Variants in SPOCK3 observed in about 807,000 individuals in gnomAD.
SPOCK3 encodes testican-3.
Under a neutral mutation model 56.6 loss-of-function variants are expected in SPOCK3, and 30 were observed. The observed-to-expected ratio is 0.53, with a 90% CI of 0.40 to 0.72. SPOCK3 has a LOEUF of 0.72. Ranked by LOEUF, SPOCK3 falls within the 30% of genes least tolerant of loss-of-function variation. SPOCK3 has a pLI of 0.00. For missense variants in SPOCK3, 527 were observed against 530.0 expected, an observed-to-expected ratio of 0.99 and a Z score of 0.06; for synonymous variants, 196 against 183.3, an observed-to-expected ratio of 1.07 and a Z score of -0.56.
intron 6 of SPOCK3, among the ~76,000 whole-genome samples, chr4:166,796,902 A>G (rs1741999013): frequency 1.3e-5 from 2 of 152,210 alleles, no homozygotes; most frequent in Non-Finnish European, 1.5e-5. Flanking sequence ...GTTGGCTCCA[A>G]TGTGATTATT....
intron 4 of SPOCK3, among the ~76,000 whole-genome samples, chr4:166,935,118 C>G (rs79589859): frequency 6.6e-6 from 1 of 151,908 alleles, no homozygotes; most frequent in African/African-American, 2.4e-5. Context: ...CTCAGACTTA[C>G]GGGGCTGTGG....
chr4:167,198,125 C>A (rs781552412), intron 2 of SPOCK3, among the ~76,000 whole-genome samples: 31 of 152,084 alleles, frequency 2.0e-4, no homozygotes, highest in Admixed American at 6.6e-5. Flanking sequence ...TTTAGCCAAC[C>A]ATAGTAATAT....
intron 6 of SPOCK3, among the ~76,000 whole-genome samples, chr4:166,828,712 T>G (rs1390369265): frequency 6.6e-6 from 1 of 152,076 alleles, no homozygotes; most frequent in African/African-American, 2.4e-5. Context: ...AATTCTTTGT[T>G]CATTTTAACA....
chr4:167,048,140 A>G (rs758590766), intron 3 of SPOCK3, among the ~76,000 whole-genome samples: 4 of 152,102 alleles, frequency 2.6e-5, no homozygotes, highest in Non-Finnish European at 5.9e-5. Flanking sequence ...ACATTATCTT[A>G]ATTAAAGCAT....
At chr4:167,166,560 T>A (rs1238093397) in intron 2 of SPOCK3, among the ~76,000 whole-genome samples, 1 of 152,092 alleles carries the variant, frequency 6.6e-6, no homozygotes, top group African/African-American at 2.4e-5. Flanking sequence ...TGTATTTTTA[T>A]AACTCTGGTT....
At chr4:166,817,051 C>T (rs1005891945) in intron 6 of SPOCK3, among the ~76,000 whole-genome samples, 3 of 152,040 alleles carry the variant, frequency 2.0e-5, no homozygotes, top group African/African-American at 7.2e-5. Context: ...AAGGCCCAGA[C>T]TCAAGGCAAG....
intron 6 of SPOCK3, among the ~76,000 whole-genome samples, chr4:166,881,995 T>A (rs1201921357): frequency 4.6e-5 from 7 of 152,172 alleles, no homozygotes; most frequent in Non-Finnish European, 8.8e-5. Context: ...TCATATTTTT[T>A]AAGATACGTA....
At chr4:167,126,457 G>A (rs1007527196) in intron 2 of SPOCK3, among the ~76,000 whole-genome samples, 14 of 152,158 alleles carry the variant, frequency 9.2e-5, no homozygotes, top group South Asian at 2.1e-4. Context: ...GCTGAGGCAG[G>A]ATAATTGCTT....
chr4:166,831,189 T>C (rs777513511), intron 6 of SPOCK3, among the ~76,000 whole-genome samples: 1 of 152,216 alleles, frequency 6.6e-6, no homozygotes, highest in Admixed American at 6.5e-5. Context: ...ACATGGTATA[T>C]ATATCTGAAT....
chr4:166,920,225 C>T (rs1476401717), intron 4 of SPOCK3, among the ~76,000 whole-genome samples: 4 of 152,074 alleles, frequency 2.6e-5, no homozygotes, highest in African/African-American at 4.8e-5. Flanking sequence ...TTTCTAGACC[C>T]GTTGATGTAA....
intron 4 of SPOCK3, among the ~76,000 whole-genome samples, chr4:166,915,218 C>A (rs1579633761): frequency 6.6e-6 from 1 of 151,712 alleles, no homozygotes; most frequent in Non-Finnish European, 1.5e-5. Flanking sequence ...AAAATGTATC[C>A]TAGATGATGA....
chr4:166,775,445 T>C (rs749715466), intron 7 of SPOCK3, among the ~76,000 whole-genome samples: 1 of 152,168 alleles, frequency 6.6e-6, no homozygotes, highest in Non-Finnish European at 1.5e-5. Flanking sequence ...GTGTGGGGTA[T>C]CTGGCTTTGG....
intron 4 of SPOCK3, among the ~76,000 whole-genome samples, chr4:166,943,840 A>C (rs1741395030): frequency 6.6e-6 from 1 of 152,162 alleles, no homozygotes; most frequent in Non-Finnish European, 1.5e-5. Context: ...AAATATATGA[A>C]ATTTTATGTT....
At chr4:166,840,203 G>A (rs1747090333) in intron 6 of SPOCK3, among the ~76,000 whole-genome samples, 1 of 152,100 alleles carries the variant, frequency 6.6e-6, no homozygotes, top group Non-Finnish European at 1.5e-5. Context: ...TGAGTGTAGG[G>A]AGACTCATTT....
chr4:167,164,587 A>C (rs4607248), intron 2 of SPOCK3, among the ~76,000 whole-genome samples: 27,122 of 145,722 alleles, frequency 0.19, 2,643 homozygotes, highest in Admixed American at 0.27. Context: ...GCTCTCCCCC[A>C]TCTTTCCCCC....
At chr4:166,822,072 G>A (rs1005625795) in intron 6 of SPOCK3, among the ~76,000 whole-genome samples, 15 of 151,538 alleles carry the variant, frequency 9.9e-5, no homozygotes, top group African/African-American at 1.9e-4. Context: ...TTTTTTAAAC[G>A]TAATTTGATC....
At chr4:166,786,754 C>T (rs1205131170) in intron 7 of SPOCK3, among the ~76,000 whole-genome samples, 1 of 152,158 alleles carries the variant, frequency 6.6e-6, no homozygotes, top group African/African-American at 2.4e-5. Context: ...TGTAATCATG[C>T]TCAACAATGT....
intron 3 of SPOCK3, among the ~76,000 whole-genome samples, chr4:167,058,401 G>T (rs1006385593): frequency 2.6e-5 from 4 of 152,010 alleles, no homozygotes; most frequent in African/African-American, 7.2e-5. Flanking sequence ...CCATTCATAA[G>T]TGCTTCAAAG....
intron 4 of SPOCK3, among the ~76,000 whole-genome samples, chr4:166,932,456 A>T (rs917199605): frequency 6.6e-5 from 10 of 152,176 alleles, no homozygotes; most frequent in African/African-American, 2.4e-4. Context: ...AAACAACAAT[A>T]TGATAATTAA....
Sources: gnomAD v4.1 joint callset for allele counts (sites outside exome capture counted in the v4.1 genomes callset) on GRCh38, gnomAD v4.1.1 for gene constraint, MANE v1.5 for transcripts, NCBI Gene and HGNC (gene_info 2026-07-23, HGNC 2026-07-21) for gene names.